The following CACNA2D2 variants were observed in gnomAD, a reference collection of about 807,000 sequenced individuals.
CACNA2D2 encodes calcium voltage-gated channel auxiliary subunit alpha2delta 2, also known as voltage-dependent calcium channel subunit alpha-2/delta-2.
In CACNA2D2, 48 loss-of-function variants were observed where a neutral mutation model predicts 166.4. That is an observed-to-expected ratio of 0.29 (90% CI 0.23 to 0.37). CACNA2D2 has a LOEUF of 0.37. CACNA2D2 is among the 10% of genes least tolerant of loss of function. The pLI is 1.00. For missense variants in CACNA2D2, 1,122 were observed against 1,433.0 expected, an observed-to-expected ratio of 0.78 and a Z score of 3.50; for synonymous variants, 561 against 573.7, an observed-to-expected ratio of 0.98 and a Z score of 0.32.
chr3:50,376,238 C>T lies in CACNA2D2; in HGVS notation c.1627-50G>A, dbSNP rs1441066551. 6.3e-7 allele frequency: 1 copy of T among 1,590,546 alleles called. No individual in the cohort carries two copies. Among genetic ancestry groups the T allele is most frequent in the Non-Finnish European group, 8.6e-7 (1 of 1,162,144 alleles). On this transcript the variant is annotated intron_variant, in intron 17 of 37. Coordinates refer to ENST00000424201, the MANE Select transcript of CACNA2D2 (RefSeq NM_006030.4). This position sits in a 1 kb window ranked among gnomAD's most constrained non-coding sequence, Gnocchi z 4.3. Reference sequence around the variant, plus strand: ...GGGTCTGGAGGGATGGGCTGGGGTTCCCTGGGCTCCGGAGTTCTTCCCTAT... The same window carrying T: ...GGGTCTGGAGGGATGGGCTGGGGTTTCCTGGGCTCCGGAGTTCTTCCCTAT...
chr3:50,388,892 G>A (rs1181868624), intron 4 of CACNA2D2, among the ~76,000 whole-genome samples: 3 of 152,238 alleles, frequency 2.0e-5, no homozygotes, highest in Non-Finnish European at 4.4e-5. Context: ...CTGACTGCAT[G>A]CCTGGCACCA....
In CACNA2D2 at chr3:50,365,726, G is replaced by C. The variant is rs1376989159; in HGVS notation, c.2916-38C>G. ...GGGAGCCGAGTGCAGGTGGTCAGCA[G>C]AGGACGATGCCATGCCCTACTTCTC... On this transcript the variant is annotated intron_variant, in intron 33 of 37. Coordinates refer to ENST00000424201, the MANE Select transcript of CACNA2D2 (RefSeq NM_006030.4). This position sits in a 1 kb window ranked among gnomAD's most constrained non-coding sequence, Gnocchi z 4.5. The C allele has an allele frequency of 6.2e-7, 1 of 1,601,430 alleles. No homozygotes were observed. The highest frequency in any genetic ancestry group is 8.5e-7 in the Non-Finnish European group (1 of 1,174,278).
At chr3:50,439,070 C>A (rs1043931917) in intron 2 of CACNA2D2, among the ~76,000 whole-genome samples, 1 of 152,226 alleles carries the variant, frequency 6.6e-6, no homozygotes, top group Non-Finnish European at 1.5e-5. Flanking sequence ...TGAACTGGGT[C>A]GAATCCAAAG....
In CACNA2D2 at chr3:50,374,748, A is replaced by C. The variant is rs1183696743; in HGVS notation, c.1973T>G (p.Leu658Arg). 3.1e-6 allele frequency: 5 copies of C among 1,595,320 alleles called. No individual in the cohort carries two copies. The stretch of plus-strand genomic sequence containing the variant: ...GCCGGGCCACTTACACTTGACCTGC[A>C]GGATCTGGTCACTGAGATTGGCTTG... The part of the protein sequence containing the change: ...YLQANLSDQI[L>R]QVKYFEFLLP... The change falls in exon 22 of 38, where the codon CTG becomes CGG. Residue 658 changes from leucine (L) to arginine (R), a missense_variant. Coordinates refer to ENST00000424201, the MANE Select transcript of CACNA2D2 (RefSeq NM_006030.4).
chr3:50,364,589 G>C lies in CACNA2D2; in HGVS notation c.*77C>G. ...GAGGGAGGGACGAGGCTCTAAGGCG[G>C]GGAGTGTGGGGCAGGAGGGTGGGAA... On this transcript the variant is annotated 3_prime_UTR_variant, in exon 38 of 38. Coordinates refer to ENST00000424201, the MANE Select transcript of CACNA2D2 (RefSeq NM_006030.4). The C allele has an allele frequency of 7.8e-6, 11 of 1,419,014 alleles. No individual in the cohort carries two copies. Among genetic ancestry groups the C allele is most frequent in the Non-Finnish European group, 1.0e-5 (11 of 1,078,436 alleles). The allele number at this position is 1,419,014 out of a possible 1,614,324, so 87.9% of individuals were successfully genotyped here.
chr3:50,484,456 C>T (rs901821832), intron 1 of CACNA2D2, among the ~76,000 whole-genome samples: 11 of 152,284 alleles, frequency 7.2e-5, no homozygotes, highest in South Asian at 6.2e-4. Flanking sequence ...ACCCAGTGGC[C>T]GCACCCCCAG....
chr3:50,428,010 C>G (rs1246239417), intron 3 of CACNA2D2, among the ~76,000 whole-genome samples: 1 of 152,202 alleles, frequency 6.6e-6, no homozygotes, highest in African/African-American at 2.4e-5. Flanking sequence ...GATCTTTCTC[C>G]TGCTGGCCCT....
intron 3 of CACNA2D2, among the ~76,000 whole-genome samples, chr3:50,403,338 C>A (rs954628418): frequency 2.0e-5 from 3 of 152,168 alleles, no homozygotes; most frequent in Non-Finnish European, 4.4e-5. Flanking sequence ...TCCCCCTCCC[C>A]CAAACTCAGC....
In CACNA2D2 at chr3:50,407,163, C is replaced by T. The variant is rs527269136; in HGVS notation, c.406-12995G>A. On this transcript the variant is annotated intron_variant, in intron 3 of 37. Coordinates refer to ENST00000424201, the MANE Select transcript of CACNA2D2 (RefSeq NM_006030.4). ...GATCATCCCTTCAAGGTGAAGACAACGAGGTCAGGGGCCCACTGGCCCCCC... is the reference window on the plus strand; with the variant it reads ...GATCATCCCTTCAAGGTGAAGACAATGAGGTCAGGGGCCCACTGGCCCCCC... Among the ~76,000 whole-genome samples the T allele has an allele frequency of 7.4e-4, 113 of 151,856 alleles. 1 individual carries two copies. Among genetic ancestry groups the T allele is most frequent in the African/African-American group, 2.4e-3 (98 of 41,544 alleles).
rs570970113 is a variant in CACNA2D2, at chr3:50,474,934, GC to G, written c.288+1183del. On this transcript the variant is annotated intron_variant, in intron 2 of 37. Transcript: ENST00000424201. ...TGTGATGGAGGCTGCTGACATCCAA[GC>G]CCAGCAACCAGGAAAGGGGTGTTTA... Among the ~76,000 whole-genome samples the G allele has an allele frequency of 1.3e-3, 192 of 152,296 alleles. 1 individual carries two copies. Among genetic ancestry groups the G allele is most frequent in the African/African-American group, 4.5e-3 (186 of 41,562 alleles).
chr3:50,384,287 T>C lies in CACNA2D2; in HGVS notation c.561A>G (p.Leu187=), dbSNP rs587661537. 188 of 1,614,102 alleles carry C rather than the reference T, an allele frequency of 1.2e-4. 3 individuals are homozygous for C. The South Asian group carries it at 2.0e-3, about 17-fold the overall frequency. The part of the protein sequence containing the change: ...DVERGSKAST[L]RLDFIEDPNF... ...TTGGGTCCTCGATGAAGTCCAGCCT[T>C]AGGGTGCTGGCCTTAGACCCCCTTT... Residue 187 remains leucine (L), a synonymous_variant, in exon 6 of 38, where the codon CTA becomes CTG. Coordinates refer to ENST00000424201, the MANE Select transcript of CACNA2D2 (RefSeq NM_006030.4).
At chr3:50,449,519 A>G (rs1709008874) in intron 2 of CACNA2D2, among the ~76,000 whole-genome samples, 1 of 152,086 alleles carries the variant, frequency 6.6e-6, no homozygotes, top group African/African-American at 2.4e-5. Flanking sequence ...AGTGGTTGGG[A>G]CTAGGGGGTG....
At chr3:50,447,668 C>T (rs950155553) in intron 2 of CACNA2D2, among the ~76,000 whole-genome samples, 3 of 152,144 alleles carry the variant, frequency 2.0e-5, no homozygotes, top group African/African-American at 7.2e-5. Context: ...CTGAGTTGGT[C>T]CTGCTCAGTC....
intron 1 of CACNA2D2, among the ~76,000 whole-genome samples, chr3:50,498,255 C>G (rs765026378): frequency 2.0e-5 from 3 of 152,156 alleles, no homozygotes; most frequent in African/African-American, 7.2e-5. Context: ...AGCCCTTGAA[C>G]GCTGGTTCCC....
Position 50,367,286 on chromosome 3 carries a change from A to T in CACNA2D2, c.2401+108T>A. ...TTTCACGTCTGCCCTGGCCTCAGCC[A>T]GCCTTGTGTTGGAGAGGGGCCTCAG... On this transcript the variant is annotated intron_variant, in intron 27 of 37. Coordinates refer to ENST00000424201, the MANE Select transcript of CACNA2D2 (RefSeq NM_006030.4). The surrounding 1 kb of genome is among the most constrained non-coding windows in gnomAD (Gnocchi z 6.5). 8.7e-7 allele frequency: 1 copy of T among 1,147,594 alleles called. No individual in the cohort carries two copies. The highest frequency in any genetic ancestry group is 1.3e-6 in the Non-Finnish European group (1 of 774,524). The allele number at this position is 1,147,594 out of a possible 1,614,324, so 71.1% of individuals were successfully genotyped here. A position where few individuals can be genotyped will look rare whatever the true frequency, so the allele number is the denominator to read the frequency against.
rs907103784 is a variant in CACNA2D2, at chr3:50,367,425, G to A, written c.2370C>T (p.His790=). Residue 790 remains histidine (H), a synonymous_variant, in exon 27 of 38, where the codon CAC becomes CAT. Coordinates refer to ENST00000424201, the MANE Select transcript of CACNA2D2 (RefSeq NM_006030.4). This position sits in a 1 kb window ranked among gnomAD's most constrained non-coding sequence, Gnocchi z 6.5. ...ASFYRRSLDN[H]GYVFKPPHQD... is the part of the protein sequence containing the mutation. ...GGTGTGGGGGCTTGAAGACATAACC[G>A]TGGTTATCCAGGCTGCGGCGGTAGA... The A allele has an allele frequency of 1.1e-5, 18 of 1,613,838 alleles. No individual in the cohort carries two copies. Among genetic ancestry groups the A allele is most frequent in the East Asian group, 2.2e-5 (1 of 44,870 alleles).
intron 2 of CACNA2D2, among the ~76,000 whole-genome samples, chr3:50,472,729 A>G (rs897952539): frequency 4.6e-5 from 7 of 152,168 alleles, no homozygotes; most frequent in Non-Finnish European, 7.4e-5. Context: ...CCTGGGCTTC[A>G]GAGAGGGGAG....
At position 50,432,264 on chromosome 3, in the gene CACNA2D2, G is replaced by A. The variant is rs189189806; in HGVS notation, c.405+2049C>T. On this transcript the variant is annotated intron_variant, in intron 3 of 37. Coordinates refer to ENST00000424201, the MANE Select transcript of CACNA2D2 (RefSeq NM_006030.4). The stretch of plus-strand genomic sequence containing the variant: ...GTGATTCCCAAGGGGCTGGGCAGGA[G>A]GCTGGGCCCTGGGCTCCACGCATGG... Among the ~76,000 whole-genome samples, 375 of 152,334 alleles carry A rather than the reference G, an allele frequency of 2.5e-3. 2 individuals carry two copies. Among genetic ancestry groups the A allele is most frequent in the African/African-American group, 8.6e-3 (358 of 41,576 alleles).
At chr3:50,384,152 C>T (rs767599316) in intron 6 of CACNA2D2, 44 bp downstream of exon 6, 2 of 1,604,804 alleles carry the variant, frequency 1.2e-6, no homozygotes, top group East Asian at 4.5e-5. Context: ...GGCCTGCCCC[C>T]ACAGCAGGTG....
Sources: allele counts gnomAD v4.1 joint callset (sites outside exome capture counted in the v4.1 genomes callset), GRCh38; gene constraint gnomAD v4.1.1; non-coding constraint Gnocchi (gnomAD v3.1); transcripts MANE v1.5; gene names NCBI Gene and HGNC (gene_info 2026-07-23, HGNC 2026-07-21).